The following ADK variants were observed in gnomAD, a reference collection of about 807,000 sequenced individuals.
The protein encoded by ADK is adenosine kinase, also known as N6,N6-dimethyladenosine kinase.
In ADK, 24 loss-of-function variants were observed where a neutral mutation model predicts 44.7. The observed-to-expected ratio is 0.54, with a 90% CI of 0.39 to 0.76. The LOEUF (loss-of-function observed/expected upper bound fraction) is 0.76, where lower values mean the gene tolerates loss of function less well. Among genes scored for constraint, ADK ranks in the 30% least tolerant of loss-of-function variants. The pLI is 0.00. For synonymous variants in ADK, 128 were observed against 142.6 expected, an observed-to-expected ratio of 0.90 and a Z score of 0.73; for missense variants, 321 against 425.1, an observed-to-expected ratio of 0.76 and a Z score of 2.15.
intron 6 of ADK, among the ~76,000 whole-genome samples, chr10:74,493,963 C>T (rs907350294): frequency 6.6e-6 from 1 of 151,892 alleles, no homozygotes; most frequent in Admixed American, 6.6e-5. Context: ...ATATGATATG[C>T]AGTACTTTAA....
intron 7 of ADK, among the ~76,000 whole-genome samples, chr10:74,536,826 C>T (rs963443854): frequency 6.6e-6 from 1 of 152,128 alleles, no homozygotes; most frequent in Admixed American, 6.5e-5. Flanking sequence ...AGCATGTTAT[C>T]AGAATTTCAT....
intron 4 of ADK, among the ~76,000 whole-genome samples, chr10:74,327,331 T>A (rs1026248041): frequency 2.0e-5 from 3 of 152,230 alleles, no homozygotes; most frequent in African/African-American, 7.2e-5. Context: ...ATTATTGACT[T>A]CTAGTTTATG....
At chr10:74,416,210 TTTTCCTTTCTGGTACTTA>T (rs1844370271) in intron 6 of ADK, among the ~76,000 whole-genome samples, 1 of 151,940 alleles carries the variant, frequency 6.6e-6, no homozygotes, top group Admixed American at 6.6e-5. Flanking sequence ...AGGACAACGT[TTTTCCTTTCTGGTACTTA>T]GCAGGAAGGC....
At chr10:74,490,841 C>G (rs1455595616) in intron 6 of ADK, among the ~76,000 whole-genome samples, 2 of 151,982 alleles carry the variant, frequency 1.3e-5, no homozygotes, top group African/African-American at 2.4e-5. Flanking sequence ...TTTTTTTCCC[C>G]ATAGTAACTC....
intron 4 of ADK, among the ~76,000 whole-genome samples, chr10:74,388,874 T>G (rs1843244205): frequency 6.6e-6 from 1 of 152,208 alleles, no homozygotes; most frequent in Non-Finnish European, 1.5e-5. Context: ...TCACAATTTC[T>G]AGTCTCCTGG....
intron 6 of ADK, among the ~76,000 whole-genome samples, chr10:74,408,093 C>T (rs571652976): frequency 2.0e-5 from 3 of 151,822 alleles, no homozygotes; most frequent in Admixed American, 6.6e-5. Context: ...GATTCTCCTG[C>T]GTCAGTCTAC....
chr10:74,365,631 A>C (rs749178751), intron 4 of ADK, among the ~76,000 whole-genome samples: 3 of 152,180 alleles, frequency 2.0e-5, no homozygotes, highest in Non-Finnish European at 2.9e-5. Context: ...GAACAAGGCT[A>C]ATTTAATTTC....
intron 6 of ADK, among the ~76,000 whole-genome samples, chr10:74,459,766 G>GA (rs1231674212): frequency 7.3e-6 from 1 of 136,408 alleles, no homozygotes; most frequent in Non-Finnish European, 1.7e-5. Context: ...GGAGAAAAAA[G>GA]AAAAAAATCA....
At chr10:74,606,298 G>T (rs1015898746) in intron 9 of ADK, among the ~76,000 whole-genome samples, 12 of 152,064 alleles carry the variant, frequency 7.9e-5, no homozygotes, top group African/African-American at 2.4e-4. Context: ...GAATGTGTTT[G>T]CTCTTGCTTC....
intron 4 of ADK, among the ~76,000 whole-genome samples, chr10:74,331,491 A>T (rs1041044378): frequency 2.0e-5 from 3 of 152,096 alleles, no homozygotes; most frequent in African/African-American, 7.2e-5. Flanking sequence ...CTATTTATTT[A>T]TTTATTTTTT....
intron 7 of ADK, among the ~76,000 whole-genome samples, chr10:74,582,320 AT>A (rs966354410): frequency 6.6e-5 from 10 of 152,110 alleles, no homozygotes; most frequent in African/African-American, 2.2e-4. Flanking sequence ...CAAAAAAAAA[AT>A]AAAAAATAAA....
intron 5 of ADK, among the ~76,000 whole-genome samples, chr10:74,397,181 T>C (rs1444523783): frequency 6.6e-6 from 1 of 152,062 alleles, no homozygotes; most frequent in Non-Finnish European, 1.5e-5. Flanking sequence ...TTATTTTGTA[T>C]ATGAATATGT....
chr10:74,556,792 A>T (rs945381100), intron 7 of ADK, among the ~76,000 whole-genome samples: 2 of 152,188 alleles, frequency 1.3e-5, no homozygotes, highest in Non-Finnish European at 2.9e-5. Flanking sequence ...AAGGTTTTAA[A>T]ATGCATTGGT....
intron 9 of ADK, among the ~76,000 whole-genome samples, chr10:74,631,766 A>G (rs967205953): frequency 6.6e-6 from 1 of 152,194 alleles, no homozygotes; most frequent in African/African-American, 2.4e-5. Context: ...TTTTAAATAT[A>G]TAGAAAATTA....
intron 4 of ADK, among the ~76,000 whole-genome samples, chr10:74,356,298 G>A (rs547401209): frequency 7.8e-4 from 119 of 152,054 alleles, no homozygotes; most frequent in African/African-American, 2.6e-3. Context: ...GATTACAGGC[G>A]TGAGCCACCG....
chr10:74,596,216 A>G (rs545121575), intron 8 of ADK, among the ~76,000 whole-genome samples: 2 of 152,264 alleles, frequency 1.3e-5, no homozygotes, highest in African/African-American at 2.4e-5. Context: ...GGTTAAGTGT[A>G]TTATCCTTGG....
intron 6 of ADK, among the ~76,000 whole-genome samples, chr10:74,438,476 C>T (rs780526404): frequency 2.6e-5 from 4 of 151,856 alleles, no homozygotes; most frequent in Admixed American, 6.6e-5. Context: ...GTGATCCCTC[C>T]GCCTCAGCCT....
Position 74,360,725 on chromosome 10 carries a change from A to G in ADK, c.274-33416A>G, listed in dbSNP as rs761343074. On this transcript the variant is annotated intron_variant, in intron 4 of 10. Transcript: ENST00000539909. ...TGTCCCTTTTTACAGTTTTTGACTT[A>G]AAGTCTATTTTGCCTAATGTAATTA... Among the ~76,000 whole-genome samples the G allele has an allele frequency of 3.2e-4, 48 of 152,156 alleles. 1 individual carries two copies. Among genetic ancestry groups the G allele is most frequent in the Non-Finnish European group, 6.0e-4 (41 of 68,034 alleles).
intron 3 of ADK, among the ~76,000 whole-genome samples, chr10:74,257,385 G>C (rs1845864916): frequency 6.6e-6 from 1 of 152,158 alleles, no homozygotes; most frequent in Admixed American, 6.5e-5. Context: ...GTATTTTATA[G>C]TCAGTATTTG....
Sources: gnomAD v4.1 joint callset for allele counts (sites outside exome capture counted in the v4.1 genomes callset) on GRCh38, gnomAD v4.1.1 for gene constraint, MANE v1.5 for transcripts, NCBI Gene and HGNC (gene_info 2026-07-23, HGNC 2026-07-21) for gene names.